The following AP2B1 variants were observed in gnomAD, a reference collection of about 807,000 sequenced individuals.
The protein encoded by AP2B1 is AP-2 complex subunit beta.
Under a neutral mutation model 102.0 loss-of-function variants are expected in AP2B1, and 23 were observed. That is an observed-to-expected ratio of 0.23 (90% CI 0.16 to 0.32). The LOEUF is 0.32. Ranked by LOEUF, AP2B1 falls within the 10% of genes least tolerant of loss-of-function variation. The pLI is 1.00. For synonymous variants in AP2B1, 381 were observed against 421.2 expected, an observed-to-expected ratio of 0.90 and a Z score of 1.17; for missense variants, 541 against 1,157.4, an observed-to-expected ratio of 0.47 and a Z score of 7.73.
intron 5 of AP2B1, among the ~76,000 whole-genome samples, chr17:35,623,097 A>AT (rs11397695): frequency 0.62 from 90,521 of 146,332 alleles, 28,104 homozygotes; most frequent in East Asian, 0.78. Flanking sequence ...GTATGTATGC[A>AT]TTTTTTTTTT....
At chr17:35,695,366 A>C (rs2076121462) in intron 18 of AP2B1, among the ~76,000 whole-genome samples, 1 of 152,110 alleles carries the variant, frequency 6.6e-6, no homozygotes, top group Non-Finnish European at 1.5e-5. Flanking sequence ...AGGAGTAGGA[A>C]CAGATGCAGT....
intron 14 of AP2B1, among the ~76,000 whole-genome samples, chr17:35,666,505 C>T (rs1428096335): frequency 6.6e-6 from 1 of 152,108 alleles, no homozygotes; most frequent in Admixed American, 6.5e-5. Flanking sequence ...TATTCTTTTC[C>T]TGAAGTTGCC....
At chr17:35,598,070 C>T (rs2073352452) in intron 2 of AP2B1, among the ~76,000 whole-genome samples, 160 bp from the exon 3 acceptor site, 1 of 152,140 alleles carries the variant, frequency 6.6e-6, no homozygotes, top group African/African-American at 2.4e-5. Context: ...GTCAGTGAGT[C>T]AGGTAATATT....
intron 2 of AP2B1, chr17:35,596,846 C>A: frequency 1.5e-6 from 1 of 676,632 alleles, no homozygotes; most frequent in Non-Finnish European, 2.8e-6. Context: ...CCACACCGCA[C>A]ACAGGCCGCC....
intron 21 of AP2B1, among the ~76,000 whole-genome samples, chr17:35,718,312 C>CTGTGTGTGTGTG (rs57852031): frequency 2.9e-5 from 4 of 139,244 alleles, no homozygotes; most frequent in African/African-American, 5.4e-5. Flanking sequence ...GTTGGAGTAG[C>CTGTGTGTGTGTG]TGTGTGTGTG....
chr17:35,722,484 CTTTTG>C (rs2085429199), intron 21 of AP2B1, among the ~76,000 whole-genome samples: 1 of 151,952 alleles, frequency 6.6e-6, no homozygotes, highest in South Asian at 2.1e-4. Context: ...TTCCCATGTT[CTTTTG>C]TTTGGTTTGG....
Position 35,692,982 on chromosome 17 carries a change from GT to G in AP2B1, c.2454+10165del, listed in dbSNP as rs1013388461. Among the ~76,000 whole-genome samples the G allele has an allele frequency of 3.1e-5, 4 of 129,544 alleles. No homozygotes were observed. In the South Asian group the frequency reaches 7.5e-4, roughly 24 times the overall value. The allele number at this position is 129,544 out of a possible 152,430, so 85.0% of individuals were successfully genotyped here. A position where few individuals can be genotyped will look rare whatever the true frequency, so the allele number is the denominator to read the frequency against. ...CCTGTTACGGAGTTGTTTATTTGGC[GT>G]TTTTTTATGTTTGTTTTCTTTGGCG... On this transcript the variant is annotated intron_variant, in intron 18 of 21. Coordinates refer to ENST00000610402, the MANE Select transcript of AP2B1 (RefSeq NM_001030006.2).
intron 17 of AP2B1, among the ~76,000 whole-genome samples, chr17:35,679,767 A>C (rs2075777758): frequency 6.6e-6 from 1 of 152,128 alleles, no homozygotes. Flanking sequence ...CAAAAGAGTA[A>C]AATTTTTTTT....
chr17:35,703,780 A>G (rs1032488569), intron 18 of AP2B1, among the ~76,000 whole-genome samples: 1 of 152,114 alleles, frequency 6.6e-6, no homozygotes, highest in Non-Finnish European at 1.5e-5. Flanking sequence ...AAATCTGATG[A>G]CACAAGTTTA....
intron 13 of AP2B1, 146 bp downstream of exon 13, chr17:35,650,935 AT>A: frequency 1.1e-6 from 1 of 870,178 alleles, no homozygotes; most frequent in Non-Finnish European, 1.7e-6. Flanking sequence ...ACTGCTGTAC[AT>A]TTTTGGACAC....
chr17:35,647,407 A>G (rs1372049460), intron 12 of AP2B1, among the ~76,000 whole-genome samples: 2 of 152,050 alleles, frequency 1.3e-5, no homozygotes, highest in African/African-American at 4.8e-5. Flanking sequence ...CCACACACAC[A>G]CAAACAAAAT....
intron 9 of AP2B1, among the ~76,000 whole-genome samples, chr17:35,629,558 C>G (rs914715693): frequency 6.6e-6 from 1 of 152,072 alleles, no homozygotes; most frequent in African/African-American, 2.4e-5. Context: ...TGTTTCTGCA[C>G]TTTGAATTTA....
chr17:35,703,750 G>A (rs1223943951), intron 18 of AP2B1, among the ~76,000 whole-genome samples: 1 of 152,126 alleles, frequency 6.6e-6, no homozygotes, highest in African/African-American at 2.4e-5. Flanking sequence ...ATAGCTGGGT[G>A]ATAAAATAAG....
intron 4 of AP2B1, among the ~76,000 whole-genome samples, chr17:35,607,576 C>A (rs2073723602): frequency 6.6e-6 from 1 of 152,144 alleles, no homozygotes; most frequent in Admixed American, 6.5e-5. Flanking sequence ...GAAGCACTTG[C>A]TAGTAAAAGA....
chr17:35,707,001 ATCT>A (rs1358039451), intron 18 of AP2B1, among the ~76,000 whole-genome samples: 4 of 151,652 alleles, frequency 2.6e-5, no homozygotes, highest in South Asian at 2.1e-4. Context: ...CTGTCTCAAG[ATCT>A]TCTTGGTGCC....
chr17:35,632,296 G>A (rs1482180229), intron 9 of AP2B1, among the ~76,000 whole-genome samples: 10 of 151,758 alleles, frequency 6.6e-5, no homozygotes, highest in Non-Finnish European at 1.5e-4. Flanking sequence ...CACCATGCCC[G>A]GCTAATTTTT....
At chr17:35,655,003 G>A (rs370081228) in intron 13 of AP2B1, among the ~76,000 whole-genome samples, 4 of 152,136 alleles carry the variant, frequency 2.6e-5, no homozygotes, top group African/African-American at 9.6e-5. Context: ...TCCTTTTACT[G>A]TTTGTAATCT....
At chr17:35,606,893 A>G (rs1028098050) in intron 4 of AP2B1, among the ~76,000 whole-genome samples, 5 of 151,918 alleles carry the variant, frequency 3.3e-5, no homozygotes, top group African/African-American at 1.2e-4. Flanking sequence ...TAATAATGGG[A>G]TCATTCCCAT....
At chr17:35,670,684 C>T (rs576207582) in intron 14 of AP2B1, among the ~76,000 whole-genome samples, 173 bp from the exon 15 acceptor site, 2 of 152,218 alleles carry the variant, frequency 1.3e-5, no homozygotes, top group South Asian at 4.1e-4. Flanking sequence ...CCACTTAGTT[C>T]CCCTAGTACA....
Sources: gnomAD v4.1 joint callset for allele counts (sites outside exome capture counted in the v4.1 genomes callset) on GRCh38, gnomAD v4.1.1 for gene constraint, MANE v1.5 for transcripts, NCBI Gene and HGNC (gene_info 2026-07-23, HGNC 2026-07-21) for gene names.